The following CCDC81 variants were observed in gnomAD, a reference collection of about 807,000 sequenced individuals.
The protein encoded by CCDC81 is coiled-coil domain containing 81.
A neutral mutation model predicts 83.7 loss-of-function variants in CCDC81; 79 were observed. The ratio of observed to expected loss-of-function variants is 0.94; its 90% CI spans 0.79 to 1.14. The LOEUF (loss-of-function observed/expected upper bound fraction) is 1.14. Ranked by LOEUF, CCDC81 falls within the 50% of genes most tolerant of loss-of-function variation. The pLI is 0.00. For synonymous variants in CCDC81, 252 were observed against 278.1 expected, an observed-to-expected ratio of 0.91 and a Z score of 0.93; for missense variants, 791 against 778.1, an observed-to-expected ratio of 1.02 and a Z score of -0.20.
chr11:86,389,706 G>A (rs1948296654), intron 3 of CCDC81, among the ~76,000 whole-genome samples: 2 of 152,130 alleles, frequency 1.3e-5, no homozygotes, highest in South Asian at 4.1e-4. Context: ...TGAGATTTGG[G>A]CAGGGACACA....
At chr11:86,398,924 C>A (rs1317193499) in intron 6 of CCDC81, among the ~76,000 whole-genome samples, 1 of 152,146 alleles carries the variant, frequency 6.6e-6, no homozygotes. Flanking sequence ...GCTTGCCAGG[C>A]CACACTTTGA....
At chr11:86,412,671 C>A in intron 11 of CCDC81, 112 bp downstream of exon 11, 3 of 952,340 alleles carry the variant, frequency 3.2e-6, no homozygotes, top group South Asian at 1.8e-5. Context: ...CTGTAACCAA[C>A]TGAGCAAACT....
At chr11:86,392,460 A>C in intron 3 of CCDC81, 81 bp from the exon 4 acceptor site, 2 of 1,437,648 alleles carry the variant, frequency 1.4e-6, no homozygotes, top group South Asian at 2.9e-5. Flanking sequence ...GAATCAGATA[A>C]TTATTTGTGA....
intron 7 of CCDC81, among the ~76,000 whole-genome samples, chr11:86,401,757 G>T (rs1948490951): frequency 6.6e-6 from 1 of 152,118 alleles, no homozygotes; most frequent in East Asian, 1.9e-4. Flanking sequence ...TACAGAGGCT[G>T]CAAAAGGACA....
At chr11:86,414,495 T>C in intron 11 of CCDC81, 1 of 239,236 alleles carries the variant, frequency 4.2e-6, no homozygotes, top group Non-Finnish European at 8.1e-6. Flanking sequence ...TTAGTAGAGA[T>C]AGGGTTTCAC....
chr11:86,408,281 A>G lies in CCDC81; in HGVS notation c.1113+11A>G, dbSNP rs1163069963. 6.2e-7 allele frequency: 1 copy of G among 1,603,876 alleles called. No individual in the cohort carries two copies. Among genetic ancestry groups the G allele is most frequent in the Non-Finnish European group, 8.5e-7 (1 of 1,176,296 alleles). ...CTCTTCAGACACCAGGTAGTCCAACACCTCGATTAGTCTTTAATATGGGGC... is the reference window on the plus strand; with the variant it reads ...CTCTTCAGACACCAGGTAGTCCAACGCCTCGATTAGTCTTTAATATGGGGC... On this transcript the variant is annotated intron_variant, in intron 9 of 14. Coordinates refer to ENST00000445632, the MANE Select transcript of CCDC81 (RefSeq NM_001156474.2).
At position 86,377,527 on chromosome 11, in the gene CCDC81, T is replaced by C. The variant is rs527913211; in HGVS notation, c.79+2285T>C. 2.0e-5 allele frequency among the ~76,000 whole-genome samples: 3 copies of C among 152,318 alleles called. No individual in the cohort carries two copies. In the East Asian group the frequency reaches 5.8e-4, roughly 29 times the overall value. On this transcript the variant is annotated intron_variant, in intron 1 of 14. Coordinates refer to ENST00000445632, the MANE Select transcript of CCDC81 (RefSeq NM_001156474.2). Reference sequence around the variant, plus strand: ...ATGGTGTATTGGTATCTCATTGTTTTATTTTGCATTTTCCTGATGATAAAT... The same window carrying C: ...ATGGTGTATTGGTATCTCATTGTTTCATTTTGCATTTTCCTGATGATAAAT...
chr11:86,392,417 CT>C (rs1948343758), intron 3 of CCDC81, 123 bp from the exon 4 acceptor site: 1 of 1,142,982 alleles, frequency 8.7e-7, no homozygotes, highest in Non-Finnish European at 1.2e-6. Flanking sequence ...CAACTAAAAG[CT>C]TCATCCAGAA....
intron 1 of CCDC81, among the ~76,000 whole-genome samples, chr11:86,375,926 C>T (rs1047662496): frequency 4.6e-5 from 7 of 152,162 alleles, no homozygotes; most frequent in African/African-American, 1.4e-4. Context: ...ACCAAATGAC[C>T]GCAGAAAACA....
intron 2 of CCDC81, among the ~76,000 whole-genome samples, chr11:86,386,852 T>C (rs1047573215): frequency 6.6e-6 from 1 of 152,214 alleles, no homozygotes; most frequent in African/African-American, 2.4e-5. Flanking sequence ...GGTGACACAT[T>C]TGGAGCTCAA....
intron 5 of CCDC81, among the ~76,000 whole-genome samples, chr11:86,395,911 C>A (rs886468678): frequency 6.6e-6 from 1 of 152,182 alleles, no homozygotes; most frequent in Non-Finnish European, 1.5e-5. Context: ...GCGTGAGCCA[C>A]CAGGCCTGGC....
At chr11:86,418,401 C>T (rs559385539) in intron 13 of CCDC81, among the ~76,000 whole-genome samples, 1 of 152,138 alleles carries the variant, frequency 6.6e-6, no homozygotes, top group Non-Finnish European at 1.5e-5. Flanking sequence ...GATATCTGTA[C>T]AGCCATGTTC....
chr11:86,415,288 C>A lies in CCDC81; in HGVS notation c.1666C>A (p.Gln556Lys), dbSNP rs760460166. 147 of 1,613,872 alleles carry A rather than the reference C, an allele frequency of 9.1e-5. No individual in the cohort carries two copies. Among genetic ancestry groups the A allele is most frequent in the Non-Finnish European group, 1.4e-5 (17 of 1,179,960 alleles). ...HQLVDQRRDL[Q>K]MLQRTQREHL... ...ACTAGTGGACCAGAGGCGGGATTTG[C>A]AAATGCTTCAGAGGACACAAAGAGA... is the stretch of plus-strand genomic sequence containing the variant. Residue 556 changes from glutamine to lysine, a missense_variant, in exon 13 of 15, where the codon CAA (glutamine) becomes AAA (lysine). Transcript: ENST00000445632.
chr11:86,418,375 A>G (rs1054676157), intron 13 of CCDC81, among the ~76,000 whole-genome samples: 34 of 152,238 alleles, frequency 2.2e-4, no homozygotes, highest in African/African-American at 7.7e-4. Context: ...AAAAAAATTG[A>G]AAGCTGATCT....
chr11:86,412,597 G>A (rs1174433588), intron 11 of CCDC81, 38 bp downstream of exon 11: 4 of 1,523,938 alleles, frequency 2.6e-6, no homozygotes, highest in Middle Eastern at 1.8e-4. Flanking sequence ...AATGGATTTG[G>A]AATTTTCATG....
intron 1 of CCDC81, among the ~76,000 whole-genome samples, chr11:86,375,766 A>G (rs946615831): frequency 6.6e-6 from 1 of 152,224 alleles, no homozygotes; most frequent in Non-Finnish European, 1.5e-5. Flanking sequence ...TAGTAGCAAG[A>G]CAAGATCTGT....
At chr11:86,407,770 C>A in intron 8 of CCDC81, 69 bp downstream of exon 8, 2 of 1,148,734 alleles carry the variant, frequency 1.7e-6, no homozygotes, top group Non-Finnish European at 2.6e-6. Flanking sequence ...AAAGAGAGTT[C>A]TGGGAATCTC....
chr11:86,408,375 C>A, intron 9 of CCDC81, 105 bp downstream of exon 9: 2 of 1,143,182 alleles, frequency 1.7e-6, no homozygotes, highest in Non-Finnish European at 2.4e-6. Context: ...CTCTGTCACC[C>A]AGGTTGGAAT....
chr11:86,411,779 T>A (rs529203305), intron 10 of CCDC81, among the ~76,000 whole-genome samples: 2 of 152,338 alleles, frequency 1.3e-5, no homozygotes, highest in African/African-American at 4.8e-5. Flanking sequence ...TTTGTTTTTG[T>A]TTTTGTTTTA....
Sources: gnomAD v4.1 joint callset for allele counts (sites outside exome capture counted in the v4.1 genomes callset) on GRCh38, gnomAD v4.1.1 for gene constraint, MANE v1.5 for transcripts, NCBI Gene and HGNC (gene_info 2026-07-23, HGNC 2026-07-21) for gene names.